Variants in GNG2 observed in about 807,000 individuals in gnomAD.
GNG2 encodes G protein subunit gamma 2, also known as guanine nucleotide-binding protein G(I)/G(S)/G(O) subunit gamma-2.
GNG2 carries 5 observed loss-of-function variants against 5.5 expected under a neutral mutation model. The ratio of observed to expected loss-of-function variants is 0.91; its 90% CI spans 0.48 to 1.92. The LOEUF (loss-of-function observed/expected upper bound fraction) is 1.92, where lower values mean the gene tolerates loss of function less well. Among genes scored for constraint, GNG2 ranks in the 30% most tolerant of loss-of-function variants. The pLI, the probability that GNG2 is intolerant of heterozygous loss-of-function variation, is 0.01. For missense variants in GNG2, 55 were observed against 88.4 expected (o/e 0.62, Z 1.52); for synonymous variants, 28 against 32.0 (o/e 0.88, Z 0.42).
intron 2 of GNG2, among the ~76,000 whole-genome samples, chr14:51,851,930 C>T (rs1881926668): frequency 6.6e-6 from 1 of 152,198 alleles, no homozygotes. Context: ...TTTACATCAG[C>T]TCTGCACCAA....
At chr14:51,929,456 G>A (rs535513607) in intron 2 of GNG2, among the ~76,000 whole-genome samples, 95 of 151,660 alleles carry the variant, frequency 6.3e-4, no homozygotes, top group African/African-American at 2.2e-3. Context: ...TTCTGAAATG[G>A]GTATCCATAA....
At chr14:51,885,016 T>C (rs1437728348) in intron 2 of GNG2, among the ~76,000 whole-genome samples, 1 of 151,974 alleles carries the variant, frequency 6.6e-6, no homozygotes, top group African/African-American at 2.4e-5. Context: ...TCAGGTCCAA[T>C]GCACAGAGGG....
chr14:51,839,980 C>G (rs11620718), intron 2 of GNG2, among the ~76,000 whole-genome samples: 14,664 of 152,176 alleles, frequency 0.096, 1,008 homozygotes, highest in Non-Finnish European at 0.15. Context: ...GGGAATTGGT[C>G]TTTGACTGAC....
intron 3 of GNG2, among the ~76,000 whole-genome samples, chr14:51,963,491 G>C (rs1411575388): frequency 6.6e-6 from 1 of 152,148 alleles, no homozygotes; most frequent in Admixed American, 6.5e-5. Flanking sequence ...CAAGAAGAAA[G>C]AATGAAGAAA....
At chr14:51,894,822 A>G (rs1885079574) in intron 2 of GNG2, among the ~76,000 whole-genome samples, 1 of 152,138 alleles carries the variant, frequency 6.6e-6, no homozygotes, top group Non-Finnish European at 1.5e-5. Context: ...AAAAACTAGA[A>G]TTTAAAGTAA....
At chr14:51,942,136 A>T (rs1468200860) in intron 2 of GNG2, among the ~76,000 whole-genome samples, 2 of 152,232 alleles carry the variant, frequency 1.3e-5, no homozygotes, top group Non-Finnish European at 2.9e-5. Flanking sequence ...GCTGAGAATT[A>T]TGAATGCTTA....
chr14:51,881,694 T>C (rs915121978), intron 2 of GNG2, among the ~76,000 whole-genome samples: 1 of 144,002 alleles, frequency 6.9e-6, no homozygotes, highest in Non-Finnish European at 1.5e-5. Context: ...TTTTAGGAGC[T>C]GGAAGACTTT....
chr14:51,828,055 A>T (rs1169281984), intron 2 of GNG2, among the ~76,000 whole-genome samples: 3 of 152,184 alleles, frequency 2.0e-5, no homozygotes, highest in African/African-American at 7.2e-5. Flanking sequence ...TCTCGGGATG[A>T]GAGGCCTCGG....
chr14:51,952,127 C>T (rs3825597), intron 3 of GNG2: 11,968 of 560,604 alleles, frequency 0.021, 401 homozygotes, highest in East Asian at 0.094. Flanking sequence ...TGCTAAGTCT[C>T]ATCAGGTATG....
intron 2 of GNG2, among the ~76,000 whole-genome samples, chr14:51,838,759 G>A (rs1881407721): frequency 1.3e-5 from 2 of 152,064 alleles, no homozygotes. Flanking sequence ...TAAAAAATTA[G>A]CCAGCTTGGT....
intron 2 of GNG2, among the ~76,000 whole-genome samples, chr14:51,934,150 C>G (rs1362245087): frequency 1.3e-5 from 2 of 152,048 alleles, no homozygotes. Flanking sequence ...GCCACGGACT[C>G]CAGGCCTGGT....
At chr14:51,828,421 T>G (rs1204877441) in intron 2 of GNG2, among the ~76,000 whole-genome samples, 1 of 152,140 alleles carries the variant, frequency 6.6e-6, no homozygotes, top group African/African-American at 2.4e-5. Flanking sequence ...CCTTGACAAC[T>G]TTTTGATATT....
At position 51,833,219 on chromosome 14, in the gene GNG2, G is replaced by A. The variant is rs1359582503; in HGVS notation, c.64+5412G>A. On this transcript the variant is annotated intron_variant, in intron 2 of 3. Coordinates refer to the GNG2 transcript ENST00000553432. ...ACTTGGAGGGAGTCAGTACCAGTGA[G>A]AATTTCATGGAAAATCTACCTCCGG... 2.0e-5 allele frequency among the ~76,000 whole-genome samples: 3 copies of A among 152,150 alleles called. No homozygotes were observed. The East Asian group carries it at 5.8e-4, about 29-fold the overall frequency.
intron 3 of GNG2, among the ~76,000 whole-genome samples, chr14:51,960,949 T>C (rs1253644): frequency 0.93 from 141,500 of 151,998 alleles, 66,323 homozygotes; most frequent in Non-Finnish European, 0.99. Flanking sequence ...AGGCTCAAGA[T>C]GAATCCTCCA....
intron 2 of GNG2, among the ~76,000 whole-genome samples, chr14:51,923,738 C>T (rs1018508620): frequency 1.7e-4 from 26 of 152,120 alleles, no homozygotes; most frequent in African/African-American, 4.8e-4. Flanking sequence ...TTATTTAAAA[C>T]TATGTATATA....
intron 3 of GNG2, among the ~76,000 whole-genome samples, chr14:51,962,261 C>T (rs1456274475): frequency 6.6e-6 from 1 of 151,962 alleles, no homozygotes; most frequent in Non-Finnish European, 1.5e-5. Flanking sequence ...TACATAGGTA[C>T]TCCTTTGTTA....
intron 2 of GNG2, among the ~76,000 whole-genome samples, chr14:51,829,261 G>GT (rs1007115885): frequency 5.9e-5 from 9 of 152,224 alleles, no homozygotes; most frequent in South Asian, 2.1e-4. Flanking sequence ...CACCTTCTCA[G>GT]TCATCATCTG....
intron 3 of GNG2, among the ~76,000 whole-genome samples, chr14:51,954,588 A>T (rs1404208276): frequency 2.6e-5 from 4 of 152,208 alleles, no homozygotes; most frequent in Non-Finnish European, 5.9e-5. Context: ...ATTATAAAAG[A>T]TACAGGATGT....
intron 2 of GNG2, among the ~76,000 whole-genome samples, chr14:51,828,634 G>A (rs17124565): frequency 0.048 from 7,337 of 152,230 alleles, 664 homozygotes; most frequent in East Asian, 0.42. Context: ...ACCCAGGTAT[G>A]AAGTAGGCAT....
Sources: allele counts gnomAD v4.1 joint callset (sites outside exome capture counted in the v4.1 genomes callset), GRCh38; gene constraint gnomAD v4.1.1; transcripts MANE v1.5; gene names NCBI Gene and HGNC (gene_info 2026-07-23, HGNC 2026-07-21).